Variants in GPHN observed in about 807,000 individuals in gnomAD.
GPHN encodes the protein gephyrin.
In GPHN, 17 loss-of-function variants were observed where a neutral mutation model predicts 95.5. The ratio of observed to expected loss-of-function variants is 0.18; its 90% CI spans 0.12 to 0.27. GPHN has a LOEUF of 0.27. Ranked by LOEUF, GPHN falls within the 10% of genes least tolerant of loss-of-function variation. The pLI is 1.00. For missense variants in GPHN, 660 were observed against 978.1 expected (o/e 0.67, Z 4.34); for synonymous variants, 320 against 322.5 (o/e 0.99, Z 0.08).
At chr14:67,179,777 C>T (rs1019084290) in intron 22 of GPHN, 103 bp downstream of exon 22, 1 of 734,220 alleles carries the variant, frequency 1.4e-6, no homozygotes, top group Non-Finnish European at 2.4e-6. Context: ...AATTATTATA[C>T]ATTTTTCTTT....
chr14:67,567,065 C>T, the GPHN span, among the ~76,000 whole-genome samples: 1 of 152,088 alleles, frequency 6.6e-6, no homozygotes, highest in Non-Finnish European at 1.5e-5. Flanking sequence ...GTTTGCAATC[C>T]CCTTTGTAAC....
intron 8 of GPHN, among the ~76,000 whole-genome samples, chr14:66,953,281 C>G (rs2068243472): frequency 6.6e-6 from 1 of 151,344 alleles, no homozygotes; most frequent in Non-Finnish European, 1.5e-5. Flanking sequence ...TGTATTTTGT[C>G]TTTTCACTGT....
intron 4 of GPHN, among the ~76,000 whole-genome samples, chr14:66,871,598 G>A (rs2153528073): frequency 6.6e-6 from 1 of 152,240 alleles, no homozygotes; most frequent in Admixed American, 6.5e-5. Context: ...GATTGGCTTT[G>A]GAAAATAAGT....
chr14:67,019,890 A>T (rs963077383), intron 9 of GPHN, among the ~76,000 whole-genome samples: 1 of 152,186 alleles, frequency 6.6e-6, no homozygotes, highest in Non-Finnish European at 1.5e-5. Flanking sequence ...ACACCTCTCA[A>T]ATCACATGAC....
At chr14:67,473,054 C>A in the GPHN span, 2 of 249,232 alleles carry the variant, frequency 8.0e-6, no homozygotes, top group African/African-American at 2.2e-5. This position sits in a 1 kb window ranked among gnomAD's most constrained non-coding sequence, Gnocchi z 6.5. Flanking sequence ...GAGGTCAGGC[C>A]TTGCCTCCCA....
At chr14:67,604,474 C>A in the GPHN span, among the ~76,000 whole-genome samples, 1 of 152,002 alleles carries the variant, frequency 6.6e-6, no homozygotes, top group African/African-American at 2.4e-5. Flanking sequence ...CCAGGAAGAT[C>A]GTTTGAGCTC....
intron 9 of GPHN, among the ~76,000 whole-genome samples, chr14:67,019,958 T>A (rs2073517155): frequency 6.6e-6 from 1 of 152,162 alleles, no homozygotes; most frequent in Non-Finnish European, 1.5e-5. Context: ...CTACATTCTT[T>A]CCCTGTATCT....
chr14:67,051,360 G>A (rs1047822757), intron 10 of GPHN, among the ~76,000 whole-genome samples: 7 of 152,250 alleles, frequency 4.6e-5, no homozygotes, highest in East Asian at 3.9e-4. Context: ...AAGGAATTTC[G>A]GAGCTTGAAG....
At chr14:67,711,834 T>C in the GPHN span, among the ~76,000 whole-genome samples, 1 of 152,198 alleles carries the variant, frequency 6.6e-6, no homozygotes, top group Non-Finnish European at 1.5e-5. Context: ...TAGAGGGAGA[T>C]TGAAGATGGA....
intron 4 of GPHN, among the ~76,000 whole-genome samples, chr14:66,858,316 G>T (rs1304481351): frequency 1.3e-5 from 2 of 151,662 alleles, no homozygotes. Context: ...TCTTGCATTT[G>T]GAAACCAGCT....
chr14:67,100,225 A>G (rs1290402851), intron 12 of GPHN, among the ~76,000 whole-genome samples: 1 of 152,176 alleles, frequency 6.6e-6, no homozygotes, highest in East Asian at 1.9e-4. Context: ...TCCTAGCTCT[A>G]CCATTAACCA....
chr14:67,574,143 A>C, the GPHN span: 9 of 1,082,594 alleles, frequency 8.3e-6, no homozygotes, highest in Non-Finnish European at 1.2e-5. The surrounding 1 kb of genome is among the most constrained non-coding windows in gnomAD (Gnocchi z 4.2). Context: ...GCAGAAGGCC[A>C]GCCCCTTGGG....
chr14:66,525,895 A>C (rs1353183317), intron 1 of GPHN, among the ~76,000 whole-genome samples: 1 of 152,024 alleles, frequency 6.6e-6, no homozygotes, highest in African/African-American at 2.4e-5. Flanking sequence ...GTAGCCTTGT[A>C]GTATAGTTTG....
intron 16 of GPHN, among the ~76,000 whole-genome samples, chr14:67,118,316 C>T (rs969635032): frequency 7.2e-5 from 11 of 152,036 alleles, no homozygotes; most frequent in Non-Finnish European, 1.3e-4. Flanking sequence ...TCTCTAGGGC[C>T]GGCAATTTGT....
At chr14:67,288,039 C>T in the GPHN span, among the ~76,000 whole-genome samples, 23,521 of 151,966 alleles carry the variant, frequency 0.15, 3,437 homozygotes, top group East Asian at 0.42. Flanking sequence ...AAATCTGAGG[C>T]CCTCAGTCTT....
chr14:66,749,153 TAA>T (rs1439185184), intron 2 of GPHN, among the ~76,000 whole-genome samples: 1 of 152,012 alleles, frequency 6.6e-6, no homozygotes, highest in Non-Finnish European at 1.5e-5. Context: ...AATATGTGTT[TAA>T]GTTTCCTCCA....
chr14:66,657,004 A>G (rs1421680876), intron 1 of GPHN, among the ~76,000 whole-genome samples: 1 of 152,242 alleles, frequency 6.6e-6, no homozygotes, highest in African/African-American at 2.4e-5. Flanking sequence ...AAACAGGTCA[A>G]AAGCTAGGCC....
At chr14:66,899,505 G>A (rs2065026649) in intron 5 of GPHN, among the ~76,000 whole-genome samples, 1 of 151,844 alleles carries the variant, frequency 6.6e-6, no homozygotes, top group Non-Finnish European at 1.5e-5. Flanking sequence ...TGAATTTCCT[G>A]TGTTAATTGA....
At chr14:66,830,971 A>T (rs1253607170) in intron 4 of GPHN, among the ~76,000 whole-genome samples, 1 of 152,092 alleles carries the variant, frequency 6.6e-6, no homozygotes, top group Non-Finnish European at 1.5e-5. Context: ...GTATTATTTT[A>T]TGTAGTCATT....
Sources: allele counts gnomAD v4.1 joint callset (sites outside exome capture counted in the v4.1 genomes callset), GRCh38; gene constraint gnomAD v4.1.1; non-coding constraint Gnocchi (gnomAD v3.1); transcripts MANE v1.5; gene names NCBI Gene and HGNC (gene_info 2026-07-23, HGNC 2026-07-21).